KIAA1671: variants seen among roughly 807,000 people sequenced by gnomAD.
The protein encoded by KIAA1671 is KIAA1671.
Under a neutral mutation model 131.2 loss-of-function variants are expected in KIAA1671, and 52 were observed. That is an observed-to-expected ratio of 0.40 (90% CI 0.32 to 0.50). The LOEUF is 0.50. KIAA1671 is among the 20% of genes least tolerant of loss of function. KIAA1671 has a pLI of 0.73. For missense variants in KIAA1671, 2,360 were observed against 2,364.2 expected, an observed-to-expected ratio of 1.00 and a Z score of 0.04; for synonymous variants, 1,003 against 961.6, an observed-to-expected ratio of 1.04 and a Z score of -0.80.
At chr22:25,004,117 A>ATTTT (rs112970400) in intron 1 of KIAA1671, among the ~76,000 whole-genome samples, 1 of 141,144 alleles carries the variant, frequency 7.1e-6, no homozygotes, top group Non-Finnish European at 1.5e-5. Flanking sequence ...GTGCCCGGCC[A>ATTTT]TTTTTTTTTT....
intron 6 of KIAA1671, among the ~76,000 whole-genome samples, chr22:25,143,366 C>T (rs1932833290): frequency 6.6e-6 from 1 of 152,218 alleles, no homozygotes; most frequent in African/African-American, 2.4e-5. Context: ...GCAGATGTGT[C>T]AGAAAGCAAC....
At chr22:25,154,146 G>A (rs140098723) in intron 6 of KIAA1671, among the ~76,000 whole-genome samples, 1 of 152,320 alleles carries the variant, frequency 6.6e-6, no homozygotes, top group East Asian at 1.9e-4. Flanking sequence ...TATGCAGTGG[G>A]TTTGTTGTTT....
intron 3 of KIAA1671, among the ~76,000 whole-genome samples, chr22:25,031,259 C>T (rs923747652): frequency 2.0e-5 from 3 of 148,886 alleles, no homozygotes; most frequent in South Asian, 2.1e-4. Flanking sequence ...AGCAGTGGCA[C>T]GATCTTGGCT....
intron 6 of KIAA1671, among the ~76,000 whole-genome samples, chr22:25,136,516 T>A (rs527419032): frequency 1.9e-4 from 29 of 152,246 alleles, no homozygotes; most frequent in Admixed American, 1.6e-3. Context: ...AAACCGTGAG[T>A]CAGGAAGCCT....
At chr22:25,173,528 T>C (rs1933919568) in intron 7 of KIAA1671, among the ~76,000 whole-genome samples, 1 of 152,204 alleles carries the variant, frequency 6.6e-6, no homozygotes, top group South Asian at 2.1e-4. Context: ...CCAGCAGAAA[T>C]ACAACATGAT....
intron 4 of KIAA1671, among the ~76,000 whole-genome samples, chr22:25,037,387 TA>T (rs1926670095): frequency 7.4e-6 from 1 of 134,874 alleles, no homozygotes; most frequent in East Asian, 2.0e-4. Flanking sequence ...TATATGTGTA[TA>T]TATGTATATA....
chr22:25,029,277 G>C lies in KIAA1671; in HGVS notation c.1278G>C (p.Ala426=), dbSNP rs1047165414. ...GCAGAGTGGCGGATGGGGAGGCCGC[G>C]GCAGGGGGAGAGTGGGCCTCCAGGA... ...VKSRVADGEA[A]AGGEWASRRS... Residue 426 remains alanine (A), a synonymous_variant, in exon 3 of 13, where the codon GCG becomes GCC. Transcript: ENST00000358431. 1.1e-5 allele frequency: 17 copies of C among 1,508,344 alleles called. No homozygotes were observed. Among genetic ancestry groups the C allele is most frequent in the Admixed American group, 6.3e-5 (3 of 47,776 alleles). 93.4% of individuals were successfully genotyped at this position (1,508,344 alleles called of 1,614,324 possible).
At chr22:25,001,864 C>T (rs1257780888) in intron 1 of KIAA1671, among the ~76,000 whole-genome samples, 1 of 151,888 alleles carries the variant, frequency 6.6e-6, no homozygotes. Flanking sequence ...TTTATAGCAT[C>T]CTTGGGCTAA....
At chr22:25,111,492 G>A (rs1931342344) in intron 6 of KIAA1671, among the ~76,000 whole-genome samples, 1 of 152,238 alleles carries the variant, frequency 6.6e-6, no homozygotes, top group African/African-American at 2.4e-5. Context: ...GGGGGCTGAT[G>A]TCATCCCGGG....
intron 1 of KIAA1671, among the ~76,000 whole-genome samples, chr22:24,980,206 T>G (rs1923152728): frequency 6.6e-6 from 1 of 152,140 alleles, no homozygotes; most frequent in African/African-American, 2.4e-5. Flanking sequence ...GTTTCCACGT[T>G]TTAGCTAGTA....
intron 6 of KIAA1671, among the ~76,000 whole-genome samples, chr22:25,116,946 T>G (rs1287112211): frequency 6.6e-6 from 1 of 152,218 alleles, no homozygotes; most frequent in Non-Finnish European, 1.5e-5. Context: ...TATTAGAGTT[T>G]CTCAGCCTCA....
intron 9 of KIAA1671, 25 bp downstream of exon 9, chr22:25,177,547 C>T (rs1009989): frequency 0.11 from 169,269 of 1,533,760 alleles, 10,174 homozygotes; most frequent in South Asian, 0.2. Context: ...CTCTCCTCCT[C>T]AGATAGCACA....
At chr22:24,965,443 T>C (rs1460706804) in intron 1 of KIAA1671, among the ~76,000 whole-genome samples, 1 of 148,316 alleles carries the variant, frequency 6.7e-6, no homozygotes, top group East Asian at 2.0e-4. Context: ...ACCTCCCCCA[T>C]AAAAAGATGA....
chr22:25,002,506 G>A (rs1217244306), intron 1 of KIAA1671, among the ~76,000 whole-genome samples: 1 of 152,096 alleles, frequency 6.6e-6, no homozygotes, highest in Non-Finnish European at 1.5e-5. Context: ...GCTGCTCTGG[G>A]GCATTAATGG....
chr22:25,085,080 G>C (rs11703320), intron 6 of KIAA1671, among the ~76,000 whole-genome samples: 2 of 152,238 alleles, frequency 1.3e-5, no homozygotes, highest in Admixed American at 1.3e-4. Context: ...CCCCTTCTCA[G>C]TGGCAGGAGT....
chr22:25,174,053 G>A (rs6004459), intron 7 of KIAA1671, among the ~76,000 whole-genome samples, 187 bp from the exon 8 acceptor site: 79,751 of 151,968 alleles, frequency 0.52, 21,498 homozygotes, highest in South Asian at 0.66. Flanking sequence ...CAGTGCCTTA[G>A]ACAGCACCTC....
At chr22:25,066,675 G>A (rs1476333677) in intron 6 of KIAA1671, among the ~76,000 whole-genome samples, 3 of 152,196 alleles carry the variant, frequency 2.0e-5, no homozygotes, top group Non-Finnish European at 4.4e-5. Flanking sequence ...TCCAAATATG[G>A]TCGCATTTGC....
At chr22:25,089,755 A>T (rs1336677199) in intron 6 of KIAA1671, among the ~76,000 whole-genome samples, 1 of 152,212 alleles carries the variant, frequency 6.6e-6, no homozygotes, top group Non-Finnish European at 1.5e-5. Context: ...GCCTCTAGAC[A>T]GACATGTCGG....
rs1321569205 is a variant in KIAA1671, at chr22:25,021,563, CGCCTGGCCCAGA to C, written c.-207-4063_-207-4052del. On this transcript the variant is annotated intron_variant, in intron 1 of 12. Transcript: ENST00000358431. ...GTTTTGTTCACTGCTGTGTCCCTAG[CGCCTGGCCCAGA>C]GCCTGGTACATAGATGCTTGATAAT... is the stretch of plus-strand genomic sequence containing the variant. Among the ~76,000 whole-genome samples the C allele has an allele frequency of 2.0e-5, 3 of 150,598 alleles. No individual in the cohort carries two copies. In the East Asian group the frequency reaches 5.9e-4, roughly 29 times the overall value.
Sources: gnomAD v4.1 joint callset for allele counts (sites outside exome capture counted in the v4.1 genomes callset) on GRCh38, gnomAD v4.1.1 for gene constraint, MANE v1.5 for transcripts, NCBI Gene and HGNC (gene_info 2026-07-23, HGNC 2026-07-21) for gene names.